The following CCDC171 variants were observed in gnomAD, a reference collection of about 807,000 sequenced individuals.
CCDC171 encodes the protein coiled-coil domain containing 171, also known as coiled-coil domain-containing protein 171.
CCDC171 carries 177 observed loss-of-function variants against 168.2 expected under a neutral mutation model. The ratio of observed to expected loss-of-function variants is 1.05; its 90% CI spans 0.93 to 1.19. CCDC171 has a LOEUF of 1.19. Among genes scored for constraint, CCDC171 ranks in the 50% most tolerant of loss-of-function variants. The pLI, the probability that CCDC171 is intolerant of heterozygous loss-of-function variation, is 0.00. For missense variants in CCDC171, 1,991 were observed against 1,539.0 expected (o/e 1.29, Z -4.91); for synonymous variants, 687 against 540.8 (o/e 1.27, Z -3.75).
intron 23 of CCDC171, among the ~76,000 whole-genome samples, chr9:15,858,506 G>A (rs1458918263): frequency 1.3e-5 from 2 of 152,050 alleles, no homozygotes; most frequent in African/African-American, 4.8e-5. Context: ...ATCACTTTGG[G>A]TAGTATGAAC....
chr9:15,973,163 A>C lies in CCDC171; in HGVS notation c.*1327A>C, dbSNP rs3008747. The C allele has an allele frequency of 6.6e-6, 1 of 151,956 alleles. No homozygotes were observed. The highest frequency in any genetic ancestry group is 1.5e-5 in the Non-Finnish European group (1 of 67,974). 9.4% of individuals were successfully genotyped at this position (151,956 alleles called of 1,614,324 possible). ...TGTAGTAAGAATTTGTTTTTGTATT[A>C]ATCATTTAACTCCCTAGTGCTATTA... On this transcript the variant is annotated 3_prime_UTR_variant, in exon 26 of 26. Coordinates refer to ENST00000380701, the MANE Select transcript of CCDC171 (RefSeq NM_173550.4).
intron 23 of CCDC171, among the ~76,000 whole-genome samples, chr9:15,852,121 AAAT>A (rs1267532379): frequency 6.6e-6 from 1 of 151,826 alleles, no homozygotes; most frequent in African/African-American, 2.4e-5. Flanking sequence ...CTGCTGGATC[AAAT>A]AATAATACCA....
At chr9:15,630,574 A>C (rs2045592606) in intron 7 of CCDC171, among the ~76,000 whole-genome samples, 1 of 152,182 alleles carries the variant, frequency 6.6e-6, no homozygotes, top group Admixed American at 6.5e-5. Context: ...CACAATAATA[A>C]TGGGAGACTT....
chr9:16,018,472 AT>A (rs1341231256), intron 3 of CCDC171, among the ~76,000 whole-genome samples: 1 of 152,192 alleles, frequency 6.6e-6, no homozygotes, highest in African/African-American at 2.4e-5. Flanking sequence ...AAATATTATT[AT>A]TTTTCCCTTC....
chr9:15,882,346 T>C (rs1028067020), intron 24 of CCDC171, among the ~76,000 whole-genome samples: 3 of 152,234 alleles, frequency 2.0e-5, no homozygotes, highest in Non-Finnish European at 4.4e-5. Context: ...GTTAATCCCT[T>C]GTCAGATGGA....
At chr9:15,814,320 C>A (rs1008650249) in intron 21 of CCDC171, among the ~76,000 whole-genome samples, 5 of 152,112 alleles carry the variant, frequency 3.3e-5, no homozygotes, top group African/African-American at 1.2e-4. Flanking sequence ...GTGTATATTT[C>A]ATGTTTGTTT....
chr9:15,755,416 C>G (rs2134958360), intron 18 of CCDC171, among the ~76,000 whole-genome samples: 1 of 152,266 alleles, frequency 6.6e-6, no homozygotes, highest in Admixed American at 6.5e-5. Context: ...TAGCAATTCA[C>G]TCCTAGGAAT....
rs147610579 is a variant in CCDC171 at position 15,810,778 on chromosome 9, G to A, written c.3267+26084G>A. Among the ~76,000 whole-genome samples the A allele has an allele frequency of 5.7e-3, 871 of 152,282 alleles. 12 individuals are homozygous for A. Among genetic ancestry groups the A allele is most frequent in the African/African-American group, 0.02 (835 of 41,556 alleles). On this transcript the variant is annotated intron_variant, in intron 21 of 25. Transcript: ENST00000380701. ...GCGCGCAGCCCTGGTTCCCGCCTGC[G>A]CCTCTCCCTTGACACCTCCCACAAG...
At chr9:16,038,503 G>A (rs1228431863), upstream of CCDC171, among the ~76,000 whole-genome samples, 1 of 152,088 alleles carries the variant, frequency 6.6e-6, no homozygotes, top group East Asian at 1.9e-4. Flanking sequence ...AGTCAAGTAT[G>A]TGTGTTAAAA....
intron 8 of CCDC171, among the ~76,000 whole-genome samples, chr9:16,036,829 A>G (rs1414155918): frequency 2.2e-5 from 3 of 134,270 alleles, no homozygotes; most frequent in Non-Finnish European, 4.9e-5. Context: ...ATGTGATTCT[A>G]TACTATTCAG....
At chr9:15,596,949 C>T (rs1206437709) in intron 6 of CCDC171, among the ~76,000 whole-genome samples, 1 of 152,086 alleles carries the variant, frequency 6.6e-6, no homozygotes, top group African/African-American at 2.4e-5. Flanking sequence ...CCCTGTTTGT[C>T]TGTTATTGGT....
chr9:15,978,723 A>G (rs1423759185), downstream of CCDC171, among the ~76,000 whole-genome samples: 2 of 152,210 alleles, frequency 1.3e-5, no homozygotes, highest in African/African-American at 4.8e-5. Context: ...TATTTTTTAA[A>G]AAGTACAGCT....
intron 16 of CCDC171, among the ~76,000 whole-genome samples, chr9:15,733,302 C>G (rs2054268371): frequency 2.0e-5 from 3 of 151,892 alleles, no homozygotes; most frequent in Non-Finnish European, 2.9e-5. Flanking sequence ...TTTTTATGAC[C>G]CATTTATCAA....
At chr9:16,073,036 G>A in the CCDC171 span, among the ~76,000 whole-genome samples, 44 of 152,300 alleles carry the variant, frequency 2.9e-4, no homozygotes, top group South Asian at 8.3e-4. Flanking sequence ...CTAAGCCTGT[G>A]CATTATTTTT....
intron 21 of CCDC171, among the ~76,000 whole-genome samples, chr9:15,810,193 A>G (rs1321037134): frequency 6.6e-6 from 1 of 152,064 alleles, no homozygotes; most frequent in Non-Finnish European, 1.5e-5. Flanking sequence ...TCCCCACCAG[A>G]TTAGCTAGAT....
At chr9:15,649,209 A>C (rs544685427) in intron 7 of CCDC171, among the ~76,000 whole-genome samples, 1 of 152,334 alleles carries the variant, frequency 6.6e-6, no homozygotes, top group East Asian at 1.9e-4. Context: ...AGAAAGCTGA[A>C]GCTGGATTCC....
intron 2 of CCDC171, 58 bp from the exon 3 acceptor site, chr9:15,571,566 T>C (rs886675526): frequency 5.5e-5 from 72 of 1,320,072 alleles, no homozygotes; most frequent in Non-Finnish European, 6.9e-5. Context: ...ATATCAGAAA[T>C]GCTCTGAAAT....
At chr9:15,966,959 G>T (rs929155272) in intron 25 of CCDC171, among the ~76,000 whole-genome samples, 1 of 152,004 alleles carries the variant, frequency 6.6e-6, no homozygotes, top group Non-Finnish European at 1.5e-5. Context: ...ATGTGTGTGT[G>T]TATATTTATA....
At chr9:15,962,376 G>C (rs1389373315) in intron 25 of CCDC171, among the ~76,000 whole-genome samples, 3 of 152,004 alleles carry the variant, frequency 2.0e-5, no homozygotes, top group Non-Finnish European at 4.4e-5. Flanking sequence ...TCTAATTTTT[G>C]TCTGTTATTA....
Sources: allele counts gnomAD v4.1 joint callset (sites outside exome capture counted in the v4.1 genomes callset), GRCh38; gene constraint gnomAD v4.1.1; transcripts MANE v1.5; gene names NCBI Gene and HGNC (gene_info 2026-07-23, HGNC 2026-07-21).